CNTNAP5: variants seen among roughly 807,000 people sequenced by gnomAD.
CNTNAP5 encodes contactin-associated protein-like 5.
A neutral mutation model predicts 150.2 loss-of-function variants in CNTNAP5; 72 were observed. The ratio of observed to expected loss-of-function variants is 0.48; its 90% CI spans 0.40 to 0.58. The LOEUF (loss-of-function observed/expected upper bound fraction) is 0.58, where lower values mean the gene tolerates loss of function less well. Among genes scored for constraint, CNTNAP5 ranks in the 20% least tolerant of loss-of-function variants. The pLI is 0.00. For missense variants in CNTNAP5, 1,636 were observed against 1,626.2 expected (o/e 1.01, Z -0.10); for synonymous variants, 672 against 619.8 (o/e 1.08, Z -1.25).
intron 6 of CNTNAP5, among the ~76,000 whole-genome samples, chr2:124,454,987 T>A (rs1693084766): frequency 6.6e-6 from 1 of 151,548 alleles, no homozygotes; most frequent in African/African-American, 2.4e-5. Flanking sequence ...CTCAAGAAAC[T>A]AGAGAAACAA....
At chr2:124,497,134 T>G (rs1316111756) in intron 7 of CNTNAP5, among the ~76,000 whole-genome samples, 1 of 152,148 alleles carries the variant, frequency 6.6e-6, no homozygotes, top group Admixed American at 6.6e-5. Flanking sequence ...CTTTTTTTAT[T>G]TTCAGGTTTT....
rs1367442265 is a variant in CNTNAP5, at chr2:124,388,237, A to T, written c.382-29206A>T. Among the ~76,000 whole-genome samples the T allele has an allele frequency of 2.0e-5, 3 of 152,174 alleles. 1 individual carries two copies. On this transcript the variant is annotated intron_variant, in intron 3 of 23. Transcript: ENST00000682447. ...GAGATGTGAGGCTTAGGCATGAGCC[A>T]AGGTGCTGTCAGATGGTGGCTAGGC... is the stretch of plus-strand genomic sequence containing the variant.
intron 19 of CNTNAP5, among the ~76,000 whole-genome samples, chr2:124,846,189 G>A (rs911977658): frequency 2.0e-5 from 3 of 151,940 alleles, no homozygotes; most frequent in Admixed American, 6.6e-5. Flanking sequence ...TATCCCAGAG[G>A]TTTTGATAGA....
intron 1 of CNTNAP5, among the ~76,000 whole-genome samples, chr2:124,047,977 ACG>A (rs373245613): frequency 6.6e-6 from 1 of 152,192 alleles, no homozygotes; most frequent in African/African-American, 2.4e-5. Flanking sequence ...GCACATGCAC[ACG>A]CACACACACA....
intron 3 of CNTNAP5, among the ~76,000 whole-genome samples, chr2:124,262,984 A>C (rs1316822066): frequency 1.3e-5 from 2 of 152,068 alleles, no homozygotes; most frequent in Non-Finnish European, 1.5e-5. Context: ...TGAACTCATC[A>C]TTTTTTATGG....
chr2:124,310,876 G>C (rs1190783912), intron 3 of CNTNAP5, among the ~76,000 whole-genome samples: 1 of 152,154 alleles, frequency 6.6e-6, no homozygotes, highest in Non-Finnish European at 1.5e-5. Context: ...TAAGCCCAGC[G>C]CTCAGCAGCC....
chr2:124,098,802 G>A (rs150887319), intron 1 of CNTNAP5, among the ~76,000 whole-genome samples: 5 of 152,222 alleles, frequency 3.3e-5, no homozygotes, highest in African/African-American at 9.6e-5. Flanking sequence ...CTGACTTTAT[G>A]CCTCTGGGAA....
intron 6 of CNTNAP5, among the ~76,000 whole-genome samples, chr2:124,463,645 C>G (rs1257729469): frequency 6.6e-6 from 1 of 152,150 alleles, no homozygotes; most frequent in Non-Finnish European, 1.5e-5. Context: ...TTGCCTGAGA[C>G]AAGGGGGCAA....
rs1474480684 is a variant in CNTNAP5 at position 124,084,922 on chromosome 2, C to CTTTTTTTTTT, written c.82+59191_82+59192insTTTTTTTTTT. Among the ~76,000 whole-genome samples, 27 of 18,186 alleles carry CTTTTTTTTTT rather than the reference C, an allele frequency of 1.5e-3. 1 individual carries two copies. The highest frequency in any genetic ancestry group is 3.5e-3 in the African/African-American group (24 of 6,852). 11.9% of individuals were successfully genotyped at this position (18,186 alleles called of 152,430 possible). A position where few individuals can be genotyped will look rare whatever the true frequency, so the allele number is the denominator to read the frequency against. ...TTTAAAAATTATGAATTCAAGTTTC[C>CTTTTTTTTTT]TGTTTTTTTTTTTTTTTGAGACGGA... On this transcript the variant is annotated intron_variant, in intron 1 of 23. Coordinates refer to ENST00000682447, the MANE Select transcript of CNTNAP5 (RefSeq NM_001367498.1).
intron 1 of CNTNAP5, among the ~76,000 whole-genome samples, chr2:124,204,757 G>A (rs1685820511): frequency 6.6e-6 from 1 of 152,070 alleles, no homozygotes; most frequent in South Asian, 2.1e-4. Flanking sequence ...CATGAGAGCA[G>A]CACAGGAAAA....
intron 21 of CNTNAP5, among the ~76,000 whole-genome samples, chr2:124,895,570 A>T (rs1678286741): frequency 6.6e-6 from 1 of 151,536 alleles, no homozygotes; most frequent in Non-Finnish European, 1.5e-5. Flanking sequence ...GGCTGCAGTG[A>T]ACCATGATCT....
At chr2:124,635,451 G>A (rs1174197049) in intron 12 of CNTNAP5, among the ~76,000 whole-genome samples, 9 of 152,138 alleles carry the variant, frequency 5.9e-5, no homozygotes, top group Non-Finnish European at 1.3e-4. Flanking sequence ...ATATCATGGG[G>A]CTAGGCAAAG....
intron 3 of CNTNAP5, among the ~76,000 whole-genome samples, chr2:124,287,303 C>T (rs772953978): frequency 6.6e-6 from 1 of 152,064 alleles, no homozygotes; most frequent in Non-Finnish European, 1.5e-5. Flanking sequence ...TGTAGATAAC[C>T]CAAAATCCAA....
At chr2:124,447,027 G>T in intron 6 of CNTNAP5, 90 bp downstream of exon 6, 3 of 1,290,482 alleles carry the variant, frequency 2.3e-6, no homozygotes, top group Non-Finnish European at 3.3e-6. Flanking sequence ...TGAGAGAAGT[G>T]GTGGGGCACT....
Position 124,805,328 on chromosome 2 carries a change from T to G in CNTNAP5, c.3217+7008T>G, listed in dbSNP as rs963092499. ...AGAGAGGGGTGTGTGTGTGTGTATA[T>G]AGAGAGAGAGCTATAATAACTAAGA... On this transcript the variant is annotated intron_variant, in intron 19 of 23. Coordinates refer to ENST00000682447, the MANE Select transcript of CNTNAP5 (RefSeq NM_001367498.1). Among the ~76,000 whole-genome samples the G allele has an allele frequency of 4.6e-5, 7 of 152,036 alleles. No individual in the cohort carries two copies. The East Asian group carries it at 7.7e-4, about 17-fold the overall frequency.
At chr2:124,204,755 C>A (rs534384719) in intron 1 of CNTNAP5, among the ~76,000 whole-genome samples, 13 of 152,162 alleles carry the variant, frequency 8.5e-5, no homozygotes, top group African/African-American at 2.9e-4. Flanking sequence ...ATCATGAGAG[C>A]AGCACAGGAA....
intron 13 of CNTNAP5, among the ~76,000 whole-genome samples, chr2:124,676,935 C>T (rs563851765): frequency 5.0e-4 from 76 of 151,510 alleles, no homozygotes; most frequent in African/African-American, 1.7e-3. Context: ...CCTTCCTCCA[C>T]CATCTGGAAG....
chr2:124,098,223 A>G (rs1299720761), intron 1 of CNTNAP5, among the ~76,000 whole-genome samples: 1 of 152,236 alleles, frequency 6.6e-6, no homozygotes, highest in Non-Finnish European at 1.5e-5. Context: ...AAATGATACT[A>G]AGGAAATCAA....
chr2:124,336,437 A>G (rs1335881008), intron 3 of CNTNAP5, among the ~76,000 whole-genome samples: 1 of 151,704 alleles, frequency 6.6e-6, no homozygotes, highest in Non-Finnish European at 1.5e-5. Flanking sequence ...GGTTTGTTAC[A>G]TATATATACA....
Sources: gnomAD v4.1 joint callset for allele counts (sites outside exome capture counted in the v4.1 genomes callset) on GRCh38, gnomAD v4.1.1 for gene constraint, MANE v1.5 for transcripts, NCBI Gene and HGNC (gene_info 2026-07-23, HGNC 2026-07-21) for gene names.